Variants in MYO18B observed in about 807,000 individuals in gnomAD.
The protein encoded by MYO18B is myosin XVIIIB.
In MYO18B, 204 loss-of-function variants were observed where a neutral mutation model predicts 273.0. That is an observed-to-expected ratio of 0.75 (90% CI 0.67 to 0.84). MYO18B has a LOEUF of 0.84. MYO18B is among the 40% of genes least tolerant of loss of function. The probability of loss-of-function intolerance (pLI) is 0.00; values close to 1 mark genes in which losing one functional copy is unlikely to be tolerated. For missense variants in MYO18B, 3,212 were observed against 3,287.6 expected (o/e 0.98, Z 0.56); for synonymous variants, 1,330 against 1,305.7 (o/e 1.02, Z -0.40).
At chr22:25,767,245 C>A (rs911847287) in intron 3 of MYO18B, among the ~76,000 whole-genome samples, 6 of 152,212 alleles carry the variant, frequency 3.9e-5, no homozygotes, top group Admixed American at 3.9e-4. Context: ...GCTAAAATCA[C>A]AAGGCAGTAA....
At position 25,762,123 on chromosome 22, in the gene MYO18B, A is replaced by C. The variant is rs543138225; in HGVS notation, c.39+992A>C. ...CGTCTCAAAAAAGAAAAAAAAAAAA[A>C]AGACTGTCTCTCACTTATGAAGTGT... On this transcript the variant is annotated intron_variant, in intron 2 of 43. Coordinates refer to ENST00000335473, the MANE Select transcript of MYO18B (RefSeq NM_032608.7). Among the ~76,000 whole-genome samples, 10 of 151,988 alleles carry C rather than the reference A, an allele frequency of 6.6e-5. No homozygotes were observed. In the South Asian group the frequency reaches 1.7e-3, roughly 25 times the overall value.
At position 26,027,272 on chromosome 22, in the gene MYO18B, A is replaced by G. The variant is rs770969759; in HGVS notation, c.7298A>G (p.Tyr2433Cys). 4 of 1,614,014 alleles carry G rather than the reference A, an allele frequency of 2.5e-6. No homozygotes were observed. The highest frequency in any genetic ancestry group is 1.1e-5 in the South Asian group (1 of 91,082). ...PFSWKLPSLD[Y>C]ERKTKVDFDD... ...AGCTGGAAACTCCCAAGCCTCGACT[A>G]CGAACGCAAGACCAAAGTGGACTTC... Residue 2433 changes from tyrosine (Y) to cysteine (C), a missense_variant, in exon 43 of 44, where the codon TAC becomes TGC. By Grantham distance (194) the Tyr-to-Cys change is radical. Coordinates refer to ENST00000335473, the MANE Select transcript of MYO18B (RefSeq NM_032608.7). The surrounding 1 kb of genome is among the most constrained non-coding windows in gnomAD (Gnocchi z 4.1).
intron 3 of MYO18B, among the ~76,000 whole-genome samples, chr22:25,764,138 G>A (rs133889): frequency 6.6e-6 from 1 of 152,024 alleles, no homozygotes; most frequent in Non-Finnish European, 1.5e-5. Flanking sequence ...GCTGGTGTCC[G>A]TCCTGATTGG....
chr22:25,912,676 C>T (rs1396993364), intron 33 of MYO18B, among the ~76,000 whole-genome samples: 1 of 152,100 alleles, frequency 6.6e-6, no homozygotes, highest in Non-Finnish European at 1.5e-5. Context: ...AACATTTTGC[C>T]ATTTCTTATT....
chr22:25,854,549 T>A (rs923207918), intron 21 of MYO18B, among the ~76,000 whole-genome samples: 6 of 152,200 alleles, frequency 3.9e-5, no homozygotes, highest in Non-Finnish European at 8.8e-5. Flanking sequence ...CATTTTTAAG[T>A]GTGTTGATCA....
intron 22 of MYO18B, among the ~76,000 whole-genome samples, chr22:25,869,496 G>T (rs569756393): frequency 6.7e-6 from 1 of 149,850 alleles, no homozygotes; most frequent in Non-Finnish European, 1.5e-5. Flanking sequence ...GAAGGAAGGA[G>T]GGAGGGAGGG....
At chr22:26,051,364 C>T in the MYO18B span, among the ~76,000 whole-genome samples, 1 of 151,900 alleles carries the variant, frequency 6.6e-6, no homozygotes, top group African/African-American at 2.4e-5. Context: ...GCTGGGATTA[C>T]AGGCGCCCAC....
intron 39 of MYO18B, among the ~76,000 whole-genome samples, chr22:25,986,599 AT>A (rs2093205139): frequency 1.3e-5 from 2 of 152,356 alleles, no homozygotes; most frequent in African/African-American, 4.8e-5. Flanking sequence ...TTTAACACGT[AT>A]TTATTATGTT....
the MYO18B span, among the ~76,000 whole-genome samples, chr22:26,060,918 T>TACAC: frequency 6.6e-6 from 1 of 151,870 alleles, no homozygotes; most frequent in Non-Finnish European, 1.5e-5. Flanking sequence ...AACATACATA[T>TACAC]ACACACATAC....
chr22:26,056,744 T>C, the MYO18B span, among the ~76,000 whole-genome samples: 3 of 152,282 alleles, frequency 2.0e-5, no homozygotes, highest in South Asian at 6.2e-4. Context: ...AAATGGGAGA[T>C]GGACAGCTAC....
chr22:25,989,767 C>CA (rs67095758), intron 39 of MYO18B, among the ~76,000 whole-genome samples: 16,363 of 80,250 alleles, frequency 0.2, 2,128 homozygotes, highest in African/African-American at 0.31. Flanking sequence ...GACTCCGTCT[C>CA]AAAAAAAAAA....
At chr22:25,845,976 AGAG>A in intron 18 of MYO18B, 121 bp from the exon 19 acceptor site, 1 of 807,788 alleles carries the variant, frequency 1.2e-6, no homozygotes, top group Non-Finnish European at 1.8e-6. Context: ...ACATGACTGT[AGAG>A]GAGGCTTTAG....
chr22:25,826,419 G>A lies in MYO18B; in HGVS notation c.2706G>A (p.Met902Ile). Reference protein sequence around the residue: ...EDEETSSGLKMTGVDCVEGMA... With the variant: ...EDEETSSGLKITGVDCVEGMA... ...TGTCCTCTTTCCCAGGGCTCAAGAT[G>A]ACAGGAGTGGACTGTGTGGAGGGGA... The change falls in exon 14 of 44, where the codon ATG becomes ATA. Residue 902 changes from methionine (M) to isoleucine (I), a missense_variant. Physicochemically the swap from Met to Ile is conservative, Grantham distance 10. Coordinates refer to ENST00000335473, the MANE Select transcript of MYO18B (RefSeq NM_032608.7). 1 of 1,611,892 alleles carries A rather than the reference G, an allele frequency of 6.2e-7. No individual in the cohort carries two copies. The highest frequency in any genetic ancestry group is 8.5e-7 in the Non-Finnish European group (1 of 1,179,198).
At chr22:25,913,964 G>A (rs1399630226) in intron 33 of MYO18B, among the ~76,000 whole-genome samples, 1 of 152,162 alleles carries the variant, frequency 6.6e-6, no homozygotes, top group Non-Finnish European at 1.5e-5. Context: ...AAGTTCTAAA[G>A]TATTGCTTTT....
Position 26,027,136 on chromosome 22 carries a change from G to C in MYO18B, c.7162G>C (p.Glu2388Gln), listed in dbSNP as rs760434697. 6.2e-7 allele frequency: 1 copy of C among 1,613,972 alleles called. No individual in the cohort carries two copies. The highest frequency in any genetic ancestry group is 1.1e-5 in the South Asian group (1 of 91,082). The change falls in exon 43 of 44, where the codon GAG becomes CAG. Residue 2388 changes from glutamate to glutamine, a missense_variant. Coordinates refer to ENST00000335473, the MANE Select transcript of MYO18B (RefSeq NM_032608.7). The surrounding 1 kb of genome is among the most constrained non-coding windows in gnomAD (Gnocchi z 4.1). ...ACTGCGTCCTCGGAGGCGGTGTCTG[G>C]AGTCCTCTGTGGACGATGCGGGCTG... is the stretch of plus-strand genomic sequence containing the variant. ...PTLRPRRRCLESSVDDAGCPD... is the reference protein window; with the variant it reads ...PTLRPRRRCLQSSVDDAGCPD...
chr22:25,831,163 A>G (rs1332383646), intron 15 of MYO18B, among the ~76,000 whole-genome samples: 3 of 152,104 alleles, frequency 2.0e-5, no homozygotes, highest in Non-Finnish European at 4.4e-5. Context: ...ATCTTCCTGT[A>G]TATATGAGTT....
At chr22:25,900,697 T>TATC (rs1474296397) in intron 29 of MYO18B, 1 of 152,422 alleles carries the variant, frequency 6.6e-6, no homozygotes, top group Admixed American at 6.5e-5. Flanking sequence ...CCTCAGGCAA[T>TATC]TGGCTGGTCA....
At chr22:25,764,825 C>A (rs953369562) in intron 3 of MYO18B, among the ~76,000 whole-genome samples, 2 of 152,226 alleles carry the variant, frequency 1.3e-5, no homozygotes. Flanking sequence ...TCATTTAATA[C>A]CCCGTGCAGC....
intron 39 of MYO18B, among the ~76,000 whole-genome samples, chr22:25,960,796 G>A (rs939497936): frequency 3.3e-5 from 5 of 152,076 alleles, no homozygotes; most frequent in Non-Finnish European, 7.4e-5. Flanking sequence ...GTCTTGGTCC[G>A]CCCTGCAGGA....
Sources: gnomAD v4.1 joint callset for allele counts (sites outside exome capture counted in the v4.1 genomes callset) on GRCh38, gnomAD v4.1.1 for gene constraint, Gnocchi (gnomAD v3.1) non-coding constraint, MANE v1.5 for transcripts, NCBI Gene and HGNC (gene_info 2026-07-23, HGNC 2026-07-21) for gene names.